SRBD1: variants seen among roughly 807,000 people sequenced by gnomAD.
The protein encoded by SRBD1 is S1 RNA binding domain 1, also known as S1 RNA-binding domain-containing protein 1.
Under a neutral mutation model 115.3 loss-of-function variants are expected in SRBD1, and 88 were observed. The observed-to-expected ratio is 0.76, with a 90% CI of 0.64 to 0.91. The LOEUF is 0.91. Ranked by LOEUF, SRBD1 falls within the 40% of genes least tolerant of loss-of-function variation. The pLI, the probability that SRBD1 is intolerant of heterozygous loss-of-function variation, is 0.00. For synonymous variants in SRBD1, 509 were observed against 407.7 expected, an observed-to-expected ratio of 1.25 and a Z score of -2.99; for missense variants, 1,385 against 1,177.4, an observed-to-expected ratio of 1.18 and a Z score of -2.58.
chr2:45,564,430 G>C (rs571303313), intron 9 of SRBD1, among the ~76,000 whole-genome samples: 62 of 152,244 alleles, frequency 4.1e-4, no homozygotes, highest in African/African-American at 1.5e-3. Context: ...AAGAAGGGAG[G>C]CCATCTATAT....
chr2:45,522,847 T>C (rs1432440917), intron 14 of SRBD1, among the ~76,000 whole-genome samples: 3 of 152,208 alleles, frequency 2.0e-5, no homozygotes, highest in Non-Finnish European at 2.9e-5. Context: ...ATACAGAACA[T>C]GTGTTAATCA....
chr2:45,404,341 T>A (rs1369634572), intron 19 of SRBD1, among the ~76,000 whole-genome samples: 1 of 152,128 alleles, frequency 6.6e-6, no homozygotes, highest in African/African-American at 2.4e-5. Context: ...TTGGAAGTAA[T>A]GTGCTTATGA....
intron 14 of SRBD1, among the ~76,000 whole-genome samples, chr2:45,510,451 C>T (rs1394465409): frequency 1.3e-5 from 2 of 152,184 alleles, no homozygotes; most frequent in African/African-American, 2.4e-5. Context: ...TTAGAATTTA[C>T]TGCATTACCC....
At chr2:45,590,297 G>A (rs1331329312) in intron 4 of SRBD1, among the ~76,000 whole-genome samples, 1 of 152,218 alleles carries the variant, frequency 6.6e-6, no homozygotes, top group Non-Finnish European at 1.5e-5. Context: ...TCAGTTTACA[G>A]TTTAGCTTTG....
intron 18 of SRBD1, among the ~76,000 whole-genome samples, chr2:45,416,070 C>G (rs1667823696): frequency 6.6e-6 from 1 of 151,790 alleles, no homozygotes; most frequent in Non-Finnish European, 1.5e-5. Flanking sequence ...ACTGATAAAT[C>G]TAATAAATAG....
chr2:45,445,340 C>G (rs750998295), intron 16 of SRBD1, among the ~76,000 whole-genome samples: 9 of 151,594 alleles, frequency 5.9e-5, no homozygotes, highest in Admixed American at 6.6e-5. Flanking sequence ...TTCTTTTTAC[C>G]CATTCATCTC....
At chr2:45,510,165 T>C (rs1264461704) in intron 14 of SRBD1, among the ~76,000 whole-genome samples, 1 of 152,228 alleles carries the variant, frequency 6.6e-6, no homozygotes, top group African/African-American at 2.4e-5. Context: ...TGTGTGTATA[T>C]ACTCTACTTG....
At chr2:45,554,622 G>A (rs1374160210) in intron 10 of SRBD1, among the ~76,000 whole-genome samples, 2 of 152,164 alleles carry the variant, frequency 1.3e-5, no homozygotes, top group East Asian at 1.9e-4. Flanking sequence ...GGAAAGAATA[G>A]AAGAGAAAAT....
chr2:45,577,810 T>C (rs1254326012), intron 7 of SRBD1, among the ~76,000 whole-genome samples: 1 of 151,964 alleles, frequency 6.6e-6, no homozygotes, highest in Non-Finnish European at 1.5e-5. Context: ...AGAGAAAACA[T>C]TCCTATCAAA....
chr2:45,483,802 T>C (rs991102746), intron 15 of SRBD1, among the ~76,000 whole-genome samples: 29 of 152,262 alleles, frequency 1.9e-4, no homozygotes, highest in African/African-American at 7.0e-4. Flanking sequence ...ATAATGCTTA[T>C]TAAAATGTAG....
At chr2:45,528,937 C>T (rs1425556488) in intron 14 of SRBD1, among the ~76,000 whole-genome samples, 1 of 151,912 alleles carries the variant, frequency 6.6e-6, no homozygotes, top group Non-Finnish European at 1.5e-5. Context: ...AGTGGATATG[C>T]TTTTACAAAT....
Position 45,465,000 on chromosome 2 carries a change from T to TACACAC in SRBD1, c.2049+11987_2049+11992dup, listed in dbSNP as rs58288876. 3.9e-3 allele frequency among the ~76,000 whole-genome samples: 474 copies of TACACAC among 120,278 alleles called. 5 individuals are homozygous for TACACAC. Among genetic ancestry groups the TACACAC allele is most frequent in the East Asian group, 0.017 (65 of 3,820 alleles). The allele number at this position is 120,278 out of a possible 152,430, so 78.9% of individuals were successfully genotyped here. Reference sequence around the variant, plus strand: ...AAAGAAACTGTCATGGTTGAGATTGTACACACACACACACACACACACACA... The same window carrying TACACAC: ...AAAGAAACTGTCATGGTTGAGATTGTACACACACACACACACACACACACACACACA... On this transcript the variant is annotated intron_variant, in intron 16 of 20. Coordinates refer to ENST00000263736, the MANE Select transcript of SRBD1 (RefSeq NM_018079.5).
intron 16 of SRBD1, among the ~76,000 whole-genome samples, chr2:45,473,715 C>G (rs898835840): frequency 9.9e-5 from 15 of 151,766 alleles, no homozygotes; most frequent in African/African-American, 3.4e-4. Context: ...ACTGTTTGCT[C>G]TCTGAATACT....
At chr2:45,498,717 G>A (rs1572704713) in intron 14 of SRBD1, among the ~76,000 whole-genome samples, 2 of 152,134 alleles carry the variant, frequency 1.3e-5, no homozygotes, top group East Asian at 3.9e-4. Flanking sequence ...CAACTTTTTT[G>A]TCTCCCATAT....
chr2:45,502,013 G>A (rs1057502069), intron 14 of SRBD1, among the ~76,000 whole-genome samples: 38 of 152,172 alleles, frequency 2.5e-4, no homozygotes, highest in Non-Finnish European at 1.5e-4. Context: ...CCTGACCTCC[G>A]AGTAGCCTAA....
At chr2:45,564,613 A>C (rs965500208) in intron 9 of SRBD1, among the ~76,000 whole-genome samples, 2 of 152,232 alleles carry the variant, frequency 1.3e-5, no homozygotes, top group East Asian at 3.8e-4. Context: ...AAACATTCTG[A>C]AAATAATTTT....
chr2:45,409,248 C>T (rs1477710110), intron 19 of SRBD1, among the ~76,000 whole-genome samples: 2 of 151,552 alleles, frequency 1.3e-5, no homozygotes, highest in African/African-American at 4.8e-5. Flanking sequence ...TTCTCCCCCT[C>T]CCCCCAAAAA....
At chr2:45,601,326 A>T (rs368788074) in intron 3 of SRBD1, among the ~76,000 whole-genome samples, 1 of 152,234 alleles carries the variant, frequency 6.6e-6, no homozygotes, top group African/African-American at 2.4e-5. Flanking sequence ...AATGCTGGCC[A>T]TAAGAATTTC....
chr2:45,476,028 T>C (rs1035398705), intron 16 of SRBD1, among the ~76,000 whole-genome samples: 3 of 152,252 alleles, frequency 2.0e-5, no homozygotes, highest in Non-Finnish European at 2.9e-5. Context: ...CAGTCATTTC[T>C]ATCTACTTGT....
Sources: gnomAD v4.1 joint callset for allele counts (sites outside exome capture counted in the v4.1 genomes callset) on GRCh38, gnomAD v4.1.1 for gene constraint, MANE v1.5 for transcripts, NCBI Gene and HGNC (gene_info 2026-07-23, HGNC 2026-07-21) for gene names.